Variants in RSU1 observed in about 807,000 individuals in gnomAD.
RSU1 encodes the protein rsu-1.
In RSU1, 26 loss-of-function variants were observed where a neutral mutation model predicts 31.1. That is an observed-to-expected ratio of 0.84 (90% CI 0.61 to 1.16). RSU1 has a LOEUF of 1.16. RSU1 is among the 50% of genes most tolerant of loss of function. The pLI is 0.00. For missense variants in RSU1, 320 were observed against 339.1 expected, an observed-to-expected ratio of 0.94 and a Z score of 0.44; for synonymous variants, 164 against 136.3, an observed-to-expected ratio of 1.20 and a Z score of -1.41.
chr10:16,604,876 G>A (rs946259713), intron 8 of RSU1, among the ~76,000 whole-genome samples: 2 of 152,090 alleles, frequency 1.3e-5, no homozygotes, highest in Admixed American at 1.3e-4. Context: ...GCCTCACATG[G>A]GAGCTCAAAC....
chr10:16,643,472 A>G (rs1392128748), intron 8 of RSU1, among the ~76,000 whole-genome samples: 1 of 152,226 alleles, frequency 6.6e-6, no homozygotes, highest in African/African-American at 2.4e-5. Flanking sequence ...TATATATTAC[A>G]TACAAAATTA....
intron 8 of RSU1, among the ~76,000 whole-genome samples, chr10:16,649,251 T>G (rs1834634827): frequency 1.3e-5 from 2 of 152,198 alleles, no homozygotes; most frequent in Non-Finnish European, 2.9e-5. Flanking sequence ...GAAGGCATAT[T>G]CAGCATGTAT....
rs1837416127 is a variant in RSU1 at position 16,771,079 on chromosome 10, AGAG to A, written c.161-6572_161-6570del. On this transcript the variant is annotated intron_variant, in intron 3 of 8. Coordinates refer to ENST00000345264, the MANE Select transcript of RSU1 (RefSeq NM_012425.4). ...CTTTTTTTATAAAGCATAGAAGGACAGAGGATGGCAGAGGATATTAAAATTAGC... is the reference window on the plus strand; with the variant it reads ...CTTTTTTTATAAAGCATAGAAGGACAGATGGCAGAGGATATTAAAATTAGC... 4.6e-5 allele frequency among the ~76,000 whole-genome samples: 7 copies of A among 152,324 alleles called. No homozygotes were observed. In the South Asian group the frequency reaches 1.4e-3, roughly 32 times the overall value.
At chr10:16,738,930 C>G (rs1054870248) in intron 7 of RSU1, among the ~76,000 whole-genome samples, 1 of 147,024 alleles carries the variant, frequency 6.8e-6, no homozygotes, top group African/African-American at 2.5e-5. Context: ...TCTCATCATT[C>G]AACTCCCACT....
intron 7 of RSU1, among the ~76,000 whole-genome samples, chr10:16,702,214 T>C (rs1835806483): frequency 6.6e-6 from 1 of 152,248 alleles, no homozygotes; most frequent in Admixed American, 6.5e-5. Context: ...AGAAGCCTGC[T>C]GCAGGGGCAG....
intron 8 of RSU1, among the ~76,000 whole-genome samples, chr10:16,670,199 T>C (rs1835080128): frequency 6.6e-6 from 1 of 152,202 alleles, no homozygotes; most frequent in Non-Finnish European, 1.5e-5. Flanking sequence ...TAGAACATTT[T>C]AAATTACAGA....
chr10:16,647,173 C>T (rs1834587547), intron 8 of RSU1, among the ~76,000 whole-genome samples: 2 of 152,082 alleles, frequency 1.3e-5, no homozygotes, highest in Admixed American at 6.5e-5. Context: ...GGAGTTTCAC[C>T]ATGTTGGCCA....
rs1408787090 is a variant in RSU1, at chr10:16,752,549, G to C, written c.588C>G (p.Pro196=). ...HIQGNRLTVL[P]PELGNLDLTG... The stretch of plus-strand genomic sequence containing the variant: ...CATCAGCAACCTTACCTAGTTCTGG[G>C]GGCAGAACGGTGAGGCGGTTCCCCT... Residue 196 remains proline (P), a synonymous_variant, in exon 7 of 9, where the codon CCC becomes CCG. Coordinates refer to ENST00000345264, the MANE Select transcript of RSU1 (RefSeq NM_012425.4). 1.2e-6 allele frequency: 2 copies of C among 1,612,650 alleles called. No individual in the cohort carries two copies. Among genetic ancestry groups the C allele is most frequent in the African/African-American group, 2.7e-5 (2 of 74,862 alleles).
intron 7 of RSU1, among the ~76,000 whole-genome samples, chr10:16,718,566 C>A (rs58079730): frequency 0.11 from 16,857 of 152,150 alleles, 1,921 homozygotes; most frequent in African/African-American, 0.29. Context: ...CCAATGATGA[C>A]AATTTAAAAC....
At chr10:16,794,924 C>G (rs1837996469) in intron 2 of RSU1, among the ~76,000 whole-genome samples, 1 of 152,206 alleles carries the variant, frequency 6.6e-6, no homozygotes. Flanking sequence ...AGAAAAATCA[C>G]TGGATTGTTC....
At chr10:16,803,569 C>T (rs7893777) in intron 2 of RSU1, among the ~76,000 whole-genome samples, 7,902 of 152,218 alleles carry the variant, frequency 0.052, 258 homozygotes, top group African/African-American at 0.094. Flanking sequence ...CTGACACTGA[C>T]CAACTTCAAA....
intron 3 of RSU1, among the ~76,000 whole-genome samples, chr10:16,770,486 C>A (rs1837402938): frequency 6.6e-6 from 1 of 152,168 alleles, no homozygotes; most frequent in African/African-American, 2.4e-5. Flanking sequence ...TGGAGGTGAC[C>A]TCCACCCACC....
chr10:16,729,752 T>C (rs181767911), intron 7 of RSU1, among the ~76,000 whole-genome samples: 9 of 152,308 alleles, frequency 5.9e-5, no homozygotes, highest in South Asian at 2.1e-4. Context: ...CAAAAACAGC[T>C]GTGATCATCC....
chr10:16,739,466 CTTTTTTTTT>C (rs35664560), intron 7 of RSU1, among the ~76,000 whole-genome samples: 2 of 94,248 alleles, frequency 2.1e-5, no homozygotes, highest in Non-Finnish European at 3.9e-5. Context: ...CATTTTCTTC[CTTTTTTTTT>C]TTTTTTTTTT....
chr10:16,699,799 C>T (rs1252106700), intron 7 of RSU1, among the ~76,000 whole-genome samples: 1 of 152,208 alleles, frequency 6.6e-6, no homozygotes, highest in Admixed American at 6.5e-5. Context: ...CAGGCAGCGC[C>T]GTGATTAGCA....
intron 2 of RSU1, among the ~76,000 whole-genome samples, chr10:16,791,727 T>A (rs375052410): frequency 5.2e-4 from 79 of 152,144 alleles, no homozygotes; most frequent in Non-Finnish European, 2.6e-4. Context: ...GTATCAGTAT[T>A]TGAAATAGGT....
intron 2 of RSU1, among the ~76,000 whole-genome samples, chr10:16,801,097 TAAA>T (rs199590345): frequency 6.8e-6 from 1 of 147,082 alleles, no homozygotes; most frequent in African/African-American, 2.5e-5. Flanking sequence ...ATCTTTTTTT[TAAA>T]AAAAAAAACA....
At chr10:16,759,999 T>C (rs1837176285) in intron 4 of RSU1, among the ~76,000 whole-genome samples, 1 of 152,196 alleles carries the variant, frequency 6.6e-6, no homozygotes, top group Non-Finnish European at 1.5e-5. Flanking sequence ...GTGAGTACAA[T>C]TCTTTATGCC....
chr10:16,620,493 C>A (rs78443848), intron 8 of RSU1, among the ~76,000 whole-genome samples: 1 of 149,958 alleles, frequency 6.7e-6, no homozygotes, highest in Admixed American at 6.7e-5. Flanking sequence ...GCAGGTCTCA[C>A]GAGAGGTCAA....
Sources: gnomAD v4.1 joint callset for allele counts (sites outside exome capture counted in the v4.1 genomes callset) on GRCh38, gnomAD v4.1.1 for gene constraint, MANE v1.5 for transcripts, NCBI Gene and HGNC (gene_info 2026-07-23, HGNC 2026-07-21) for gene names.